Variants in ZNF345 observed in about 807,000 individuals in gnomAD.
The protein encoded by ZNF345 is zinc finger protein 345.
For missense variants in ZNF345, 527 were observed against 589.9 expected (o/e 0.89, Z 1.10); for synonymous variants, 166 against 187.9 (o/e 0.88, Z 0.95).
intron 3 of ZNF345, chr19:36,888,122 C>T (rs575694530): frequency 1.3e-5 from 2 of 152,070 alleles, no homozygotes; most frequent in South Asian, 2.1e-4. Flanking sequence ...TGACCAACAA[C>T]GTGATGGTGA....
chr19:36,865,734 G>C (rs1270358786), intron 2 of ZNF345, among the ~76,000 whole-genome samples: 3 of 152,122 alleles, frequency 2.0e-5, no homozygotes, highest in African/African-American at 7.2e-5. Context: ...TTGCTTTCTA[G>C]TACTTACATG....
In ZNF345 at chr19:36,852,378, C is replaced by T. The variant is rs556160915; in HGVS notation, c.-47+474C>T. On this transcript the variant is annotated intron_variant, in intron 2 of 2. Coordinates refer to ENST00000420450, the MANE Select transcript of ZNF345 (RefSeq NM_001242472.2). ...CTGTAATCCCAGCACTTTGGGGGGCCAAGGCGGGCGGATCACGAGGTCAAG... is the reference window on the plus strand; with the variant it reads ...CTGTAATCCCAGCACTTTGGGGGGCTAAGGCGGGCGGATCACGAGGTCAAG... 1.6e-4 allele frequency among the ~76,000 whole-genome samples: 24 copies of T among 151,944 alleles called. No homozygotes were observed. In the South Asian group the frequency reaches 4.8e-3, roughly 30 times the overall value.
chr19:36,882,811 T>C (rs565572981), downstream of ZNF345, among the ~76,000 whole-genome samples: 277 of 150,986 alleles, frequency 1.8e-3, 1 homozygote, highest in African/African-American at 6.3e-3. Flanking sequence ...TTTATAGATA[T>C]ATGATGTGAA....
chr19:36,892,885 C>A, exon 4 of ZNF345: 1 of 1,162,614 alleles, frequency 8.6e-7, no homozygotes, highest in Non-Finnish European at 1.1e-6. Context: ...GGAGCTCCGA[C>A]TGCAAGGCCA....
chr19:36,869,934 A>T (rs1395266642), intron 2 of ZNF345, among the ~76,000 whole-genome samples: 1 of 151,936 alleles, frequency 6.6e-6, no homozygotes, highest in Non-Finnish European at 1.5e-5. Flanking sequence ...GTGTGCCACC[A>T]TGCCTGACTA....
chr19:36,874,364 G>A (rs189702291), intron 2 of ZNF345, among the ~76,000 whole-genome samples: 51 of 152,038 alleles, frequency 3.4e-4, no homozygotes, highest in African/African-American at 1.2e-3. Context: ...TGTGGTGGTG[G>A]GCACCTGCAA....
chr19:36,887,172 ACACCAC>A (rs146770134), intron 3 of ZNF345, among the ~76,000 whole-genome samples: 1 of 151,186 alleles, frequency 6.6e-6, no homozygotes, highest in Non-Finnish European at 1.5e-5. Context: ...ATCTCAAAAA[ACACCAC>A]CACCACCACC....
At chr19:36,859,450 C>A (rs1320023190) in intron 2 of ZNF345, among the ~76,000 whole-genome samples, 3 of 151,950 alleles carry the variant, frequency 2.0e-5, no homozygotes, top group African/African-American at 7.2e-5. Flanking sequence ...GCCACCACAC[C>A]CAGACTTTTA....
intron 2 of ZNF345, among the ~76,000 whole-genome samples, chr19:36,860,645 C>T (rs1600696067): frequency 6.6e-6 from 1 of 152,126 alleles, no homozygotes; most frequent in African/African-American, 2.4e-5. Context: ...GGCAGGAATA[C>T]CATAAAGGTA....
chr19:36,877,861 G>A lies in ZNF345; in HGVS notation c.1031G>A (p.Cys344Tyr). 6.2e-7 allele frequency: 1 copy of A among 1,613,970 alleles called. No individual in the cohort carries two copies. Among genetic ancestry groups the A allele is most frequent in the Admixed American group, 1.7e-5 (1 of 60,010 alleles). The change falls in exon 3 of 3, where the codon TGT becomes TAT. Residue 344 changes from cysteine to tyrosine, a missense_variant. Transcript: ENST00000420450. ...RMHTGEKPYE[C>Y]KECGKTFSSG... is the part of the protein sequence containing the mutation. ...CATACTGGAGAGAAACCTTATGAAT[G>A]TAAGGAATGTGGGAAGACCTTTAGT...
rs190900463 is a variant in ZNF345 at position 36,865,111 on chromosome 19, C to A, written c.-46-11674C>A. On this transcript the variant is annotated intron_variant, in intron 2 of 2. Transcript: ENST00000420450. ...ACCCATGCTGCAGGAACTGGGTGCTCGGGAAACTGAATGTGCTGCAGGAGG... is the reference window on the plus strand; with the variant it reads ...ACCCATGCTGCAGGAACTGGGTGCTAGGGAAACTGAATGTGCTGCAGGAGG... Among the ~76,000 whole-genome samples the A allele has an allele frequency of 1.3e-3, 201 of 152,216 alleles. 1 individual carries two copies. The highest frequency in any genetic ancestry group is 5.4e-3 in the South Asian group (26 of 4,818).
downstream of ZNF345, among the ~76,000 whole-genome samples, chr19:36,883,204 C>A (rs967778883): frequency 1.1e-4 from 17 of 152,166 alleles, no homozygotes; most frequent in South Asian, 4.1e-4. Context: ...GGCAGGCTTA[C>A]TCAATTTCTA....
chr19:36,885,626 C>T (rs1355722425), intron 3 of ZNF345, among the ~76,000 whole-genome samples: 1 of 151,830 alleles, frequency 6.6e-6, no homozygotes, highest in Non-Finnish European at 1.5e-5. Context: ...TCTCTTTCTT[C>T]CCCTAGAGGC....
chr19:36,874,393 C>T (rs1375639030), intron 2 of ZNF345, among the ~76,000 whole-genome samples: 3 of 151,456 alleles, frequency 2.0e-5, no homozygotes, highest in Non-Finnish European at 4.4e-5. Flanking sequence ...GTTTGGGAGG[C>T]TGAGGCAGGA....
intron 2 of ZNF345, among the ~76,000 whole-genome samples, chr19:36,871,937 T>G (rs1303436977): frequency 6.6e-6 from 1 of 152,082 alleles, no homozygotes; most frequent in Non-Finnish European, 1.5e-5. Flanking sequence ...CCGGCTAATT[T>G]TGTATTTTTA....
At chr19:36,855,165 CG>C (rs2072382789) in intron 2 of ZNF345, among the ~76,000 whole-genome samples, 1 of 116,618 alleles carries the variant, frequency 8.6e-6, no homozygotes, top group Non-Finnish European at 1.7e-5. Context: ...TTTTTTGAGA[CG>C]GAGTCTCGCT....
intron 2 of ZNF345, among the ~76,000 whole-genome samples, chr19:36,874,722 C>T (rs1348166876): frequency 3.3e-5 from 5 of 151,906 alleles, no homozygotes; most frequent in South Asian, 4.2e-4. Flanking sequence ...GAGGTTGCAG[C>T]GATCTGAGAT....
At chr19:36,864,801 G>T (rs377148879) in intron 2 of ZNF345, among the ~76,000 whole-genome samples, 1 of 152,220 alleles carries the variant, frequency 6.6e-6, no homozygotes, top group Non-Finnish European at 1.5e-5. Flanking sequence ...GACAGTCATC[G>T]TCAGGGTTAT....
At chr19:36,870,350 G>T (rs1196018021) in intron 2 of ZNF345, among the ~76,000 whole-genome samples, 1 of 152,014 alleles carries the variant, frequency 6.6e-6, no homozygotes, top group African/African-American at 2.4e-5. Context: ...TGTTCTGTCA[G>T]TTTCTTGGGT....
Sources: allele counts gnomAD v4.1 joint callset (sites outside exome capture counted in the v4.1 genomes callset), GRCh38; gene constraint gnomAD v4.1.1; transcripts MANE v1.5; gene names NCBI Gene and HGNC (gene_info 2026-07-23, HGNC 2026-07-21).